COL24A1: variants seen among roughly 807,000 people sequenced by gnomAD.
COL24A1 encodes the protein collagen type XXIV alpha 1 chain.
A neutral mutation model predicts 253.9 loss-of-function variants in COL24A1; 224 were observed. That is an observed-to-expected ratio of 0.88 (90% CI 0.79 to 0.99). The LOEUF (loss-of-function observed/expected upper bound fraction) is 0.99. Among genes scored for constraint, COL24A1 ranks in the 50% least tolerant of loss-of-function variants. The pLI, the probability that COL24A1 is intolerant of heterozygous loss-of-function variation, is 0.00. For missense variants in COL24A1, 2,131 were observed against 2,068.5 expected (o/e 1.03, Z -0.59); for synonymous variants, 685 against 673.7 (o/e 1.02, Z -0.26).
chr1:85,788,494 T>C (rs1389107402), intron 47 of COL24A1, among the ~76,000 whole-genome samples: 1 of 152,166 alleles, frequency 6.6e-6, no homozygotes, highest in Non-Finnish European at 1.5e-5. Flanking sequence ...ATTGCAAAAA[T>C]TTTCTCCCAT....
intron 47 of COL24A1, among the ~76,000 whole-genome samples, chr1:85,794,187 G>A (rs763863785): frequency 5.3e-5 from 8 of 152,024 alleles, no homozygotes; most frequent in African/African-American, 7.2e-5. Flanking sequence ...TTAGGGAGAC[G>A]CATCATTAGA....
rs140880769 is a variant in COL24A1 at position 85,980,912 on chromosome 1, G to A, written c.2364+6689C>T. On this transcript the variant is annotated intron_variant, in intron 20 of 59. Coordinates refer to ENST00000370571, the MANE Select transcript of COL24A1 (RefSeq NM_152890.7). ...TGACAGAGTGAGATTCCGAGACTCC[G>A]TCTCAAAAAAAAAAGAAATATACCT... 9.7e-4 allele frequency among the ~76,000 whole-genome samples: 147 copies of A among 151,172 alleles called. 2 individuals are homozygous for A. In the East Asian group the frequency reaches 0.022, roughly 23 times the overall value.
chr1:86,121,115 G>A (rs1647275531), intron 3 of COL24A1, among the ~76,000 whole-genome samples: 1 of 152,084 alleles, frequency 6.6e-6, no homozygotes, highest in Non-Finnish European at 1.5e-5. Context: ...CACAGGGTGG[G>A]GAACATCACA....
chr1:85,836,141 T>A (rs781572731), intron 43 of COL24A1, among the ~76,000 whole-genome samples: 2 of 152,236 alleles, frequency 1.3e-5, no homozygotes, highest in Non-Finnish European at 1.5e-5. Flanking sequence ...AAACCTAGCA[T>A]AAAAGTATTC....
chr1:86,080,324 A>C (rs1193693713), intron 7 of COL24A1, among the ~76,000 whole-genome samples: 1 of 152,132 alleles, frequency 6.6e-6, no homozygotes, highest in Non-Finnish European at 1.5e-5. Flanking sequence ...ATAGTTAATG[A>C]GTACAAAAGA....
chr1:85,947,215 A>G (rs143923076), intron 24 of COL24A1, among the ~76,000 whole-genome samples: 2 of 152,342 alleles, frequency 1.3e-5, no homozygotes, highest in African/African-American at 4.8e-5. Context: ...TGACAAATAC[A>G]TGTAGAACTC....
intron 51 of COL24A1, among the ~76,000 whole-genome samples, chr1:85,783,265 CTTT>C: frequency 7.4e-6 from 1 of 135,234 alleles, no homozygotes; most frequent in African/African-American, 2.7e-5. Flanking sequence ...TCTGATGATT[CTTT>C]TTTTTTTTTT....
At chr1:86,095,886 C>A (rs1018430332) in intron 5 of COL24A1, among the ~76,000 whole-genome samples, 1 of 152,022 alleles carries the variant, frequency 6.6e-6, no homozygotes, top group African/African-American at 2.4e-5. Context: ...CAGAGTAAGT[C>A]TTTTAGTCCA....
chr1:86,096,545 T>A (rs2102005073), intron 5 of COL24A1, among the ~76,000 whole-genome samples: 1 of 152,306 alleles, frequency 6.6e-6, no homozygotes, highest in Non-Finnish European at 1.5e-5. Context: ...AATATGTGGA[T>A]CCTACCACAT....
rs887864359 is a variant in COL24A1 at position 85,987,669 on chromosome 1, A to C, written c.2311-15T>G. On this transcript the variant is annotated splice_polypyrimidine_tract_variant and intron_variant, in intron 19 of 59. Transcript: ENST00000370571. ...CCTGGAAAACCCTAGGGAATATAAA[A>C]ATGTAGCGTTTATTCCATAGAAAAT... The C allele has an allele frequency of 6.2e-7, 1 of 1,601,882 alleles. No homozygotes were observed. Among genetic ancestry groups the C allele is most frequent in the East Asian group, 2.2e-5 (1 of 44,648 alleles).
intron 2 of COL24A1, among the ~76,000 whole-genome samples, chr1:86,142,389 G>A (rs1313688002): frequency 2.0e-5 from 3 of 151,834 alleles, no homozygotes; most frequent in Non-Finnish European, 4.4e-5. Flanking sequence ...TGGGCGTGGT[G>A]GTGGGTGCCT....
intron 12 of COL24A1, among the ~76,000 whole-genome samples, chr1:86,044,227 C>T (rs12743320): frequency 0.094 from 14,355 of 152,072 alleles, 775 homozygotes; most frequent in Middle Eastern, 0.2. Context: ...GTGCATAATA[C>T]CTTTTGAAGA....
intron 13 of COL24A1, among the ~76,000 whole-genome samples, chr1:86,033,250 G>GTT (rs972662530): frequency 6.6e-6 from 1 of 152,010 alleles, no homozygotes; most frequent in Non-Finnish European, 1.5e-5. Flanking sequence ...GAGATTTTGT[G>GTT]TTTTTTTCTA....
chr1:85,967,387 A>T (rs973820450), intron 22 of COL24A1, among the ~76,000 whole-genome samples: 7 of 152,190 alleles, frequency 4.6e-5, no homozygotes, highest in African/African-American at 1.7e-4. Context: ...TTTAAGCAGG[A>T]TGAGGAATTT....
chr1:85,857,401 C>A (rs1165309579), intron 37 of COL24A1, among the ~76,000 whole-genome samples: 1 of 139,878 alleles, frequency 7.1e-6, no homozygotes, highest in Admixed American at 7.7e-5. Flanking sequence ...TCAGAGACAT[C>A]TATAGAAATT....
intron 37 of COL24A1, among the ~76,000 whole-genome samples, chr1:85,866,041 T>C (rs1026285492): frequency 6.6e-6 from 1 of 152,144 alleles, no homozygotes; most frequent in Non-Finnish European, 1.5e-5. Flanking sequence ...AGTAGGGGGA[T>C]CACTTGAGTT....
intron 23 of COL24A1, among the ~76,000 whole-genome samples, chr1:85,963,988 C>T (rs1455668276): frequency 6.6e-6 from 1 of 152,072 alleles, no homozygotes; most frequent in African/African-American, 2.4e-5. Context: ...TACACATATT[C>T]TGCCCCAGGA....
chr1:86,128,382 T>C (rs1648641759), intron 2 of COL24A1, among the ~76,000 whole-genome samples: 2 of 152,012 alleles, frequency 1.3e-5, no homozygotes, highest in African/African-American at 2.4e-5. Context: ...AAGTAAACTA[T>C]GGAAGGAACC....
At chr1:85,902,530 T>C (rs947250936) in intron 28 of COL24A1, among the ~76,000 whole-genome samples, 2 of 152,180 alleles carry the variant, frequency 1.3e-5, no homozygotes, top group Non-Finnish European at 2.9e-5. Context: ...CTTCACTCTC[T>C]TGTAAAGATC....
Sources: allele counts gnomAD v4.1 joint callset (sites outside exome capture counted in the v4.1 genomes callset), GRCh38; gene constraint gnomAD v4.1.1; transcripts MANE v1.5; gene names NCBI Gene and HGNC (gene_info 2026-07-23, HGNC 2026-07-21).